Variants in ERGIC2 observed in about 807,000 individuals in gnomAD.
ERGIC2 encodes the protein endoplasmic reticulum-Golgi intermediate compartment protein 2.
In ERGIC2, 31 loss-of-function variants were observed where a neutral mutation model predicts 52.5. That is an observed-to-expected ratio of 0.59 (90% confidence interval 0.44 to 0.80). ERGIC2 has a LOEUF of 0.80. Among genes scored for constraint, ERGIC2 ranks in the 30% least tolerant of loss-of-function variants. The pLI, the probability that ERGIC2 is intolerant of heterozygous loss-of-function variation, is 0.00. For missense variants in ERGIC2, 395 were observed against 455.2 expected, an observed-to-expected ratio of 0.87 and a Z score of 1.20; for synonymous variants, 129 against 140.6, an observed-to-expected ratio of 0.92 and a Z score of 0.58.
chr12:29,374,791 A>G (rs1592001098), intron 1 of ERGIC2, among the ~76,000 whole-genome samples: 1 of 152,148 alleles, frequency 6.6e-6, no homozygotes, highest in Admixed American at 6.5e-5. Context: ...CCTAGTCCCA[A>G]CTGCCACAAT....
chr12:29,341,029 T>C lies in ERGIC2; in HGVS notation c.*127A>G, dbSNP rs1363268654. On this transcript the variant is annotated 3_prime_UTR_variant, in exon 14 of 14. Coordinates refer to ENST00000360150, the MANE Select transcript of ERGIC2 (RefSeq NM_016570.3). ...GGGTTTTTTTATCCTTTTTTTTCTT[T>C]TTTAAAATAAGTATGTTTTCTGCTT... is the stretch of plus-strand genomic sequence containing the variant. 11 of 740,130 alleles carry C rather than the reference T, an allele frequency of 1.5e-5. No homozygotes were observed. The highest frequency in any genetic ancestry group is 2.0e-5 in the Non-Finnish European group (9 of 443,542). 45.8% of individuals were successfully genotyped at this position (740,130 alleles called of 1,614,324 possible).
In ERGIC2 at chr12:29,339,481, T is replaced by C. The variant is rs1392805663; in HGVS notation, c.*1675A>G. On this transcript the variant is annotated 3_prime_UTR_variant, in exon 14 of 14. Coordinates refer to ENST00000360150, the MANE Select transcript of ERGIC2 (RefSeq NM_016570.3). ...CCTGTGGATAGATGGTGTTAGTTTA[T>C]AGCCAAACTTTGTTGGAAATAATTT... 1 of 152,182 alleles carries C rather than the reference T, an allele frequency of 6.6e-6. No individual in the cohort carries two copies. The highest frequency in any genetic ancestry group is 1.5e-5 in the Non-Finnish European group (1 of 68,008). The allele number at this position is 152,182 out of a possible 1,614,324, so 9.4% of individuals were successfully genotyped here. A position where few individuals can be genotyped will look rare whatever the true frequency, so the allele number is the denominator to read the frequency against.
Position 29,339,075 on chromosome 12 carries a change from A to G in ERGIC2, c.*2081T>C, listed in dbSNP as rs573972591. 1 of 152,296 alleles carries G rather than the reference A, an allele frequency of 6.6e-6. No individual in the cohort carries two copies. The highest frequency in any genetic ancestry group is 1.5e-5 in the Non-Finnish European group (1 of 68,016). The allele number at this position is 152,296 out of a possible 1,614,324, so 9.4% of individuals were successfully genotyped here. A position where few individuals can be genotyped will look rare whatever the true frequency, so the allele number is the denominator to read the frequency against. ...GTCCAAAGGGCTGATCGGAATTTTA[A>G]TACTTCCATTGCCAAAAATCTGACT... On this transcript the variant is annotated 3_prime_UTR_variant, in exon 14 of 14. Transcript: ENST00000360150.
intron 10 of ERGIC2, 35 bp downstream of exon 10, chr12:29,349,044 C>A: frequency 8.7e-7 from 1 of 1,144,384 alleles, no homozygotes; most frequent in Non-Finnish European, 1.3e-6. Context: ...AAATTTTCTA[C>A]ATGTAAAATC....
At chr12:29,361,869 A>G (rs1026479356) in intron 5 of ERGIC2, among the ~76,000 whole-genome samples, 184 bp from the exon 6 acceptor site, 4 of 152,218 alleles carry the variant, frequency 2.6e-5, no homozygotes, top group Admixed American at 6.5e-5. Context: ...TTACTGAAAA[A>G]TAGCATAAAG....
intron 5 of ERGIC2, among the ~76,000 whole-genome samples, chr12:29,363,682 T>C (rs1337317750): frequency 3.3e-5 from 5 of 152,018 alleles, no homozygotes; most frequent in African/African-American, 1.2e-4. Flanking sequence ...CATATCACTA[T>C]TGCCTAAAAT....
At chr12:29,357,864 C>G (rs999191472) in intron 6 of ERGIC2, 140 bp from the exon 7 acceptor site, 1 of 656,368 alleles carries the variant, frequency 1.5e-6, no homozygotes, top group African/African-American at 1.9e-5. Context: ...AATAACATAC[C>G]AAGTTTTCTT....
At chr12:29,361,296 C>T (rs1940283687) in intron 6 of ERGIC2, among the ~76,000 whole-genome samples, 1 of 152,026 alleles carries the variant, frequency 6.6e-6, no homozygotes, top group Non-Finnish European at 1.5e-5. Flanking sequence ...ACATTCAAAG[C>T]CTTCCTGTGG....
intron 8 of ERGIC2, among the ~76,000 whole-genome samples, chr12:29,350,356 A>T (rs1028210287): frequency 6.6e-6 from 1 of 152,104 alleles, no homozygotes; most frequent in Non-Finnish European, 1.5e-5. Flanking sequence ...GAGAAAAAGC[A>T]AATTTTCACA....
chr12:29,381,025 CA>C (rs1223509929), intron 1 of ERGIC2, 89 bp downstream of exon 1: 5 of 152,418 alleles, frequency 3.3e-5, no homozygotes, highest in African/African-American at 1.2e-4. Flanking sequence ...AAGCCCATGA[CA>C]GGCTCCCAGT....
intron 8 of ERGIC2, 143 bp from the exon 9 acceptor site, chr12:29,350,211 G>A: frequency 1.8e-6 from 1 of 562,940 alleles, no homozygotes; most frequent in Non-Finnish European, 3.2e-6. Flanking sequence ...TGACTGAGCA[G>A]ACAAGTCTAC....
At chr12:29,365,621 A>C (rs1591996869) in intron 5 of ERGIC2, among the ~76,000 whole-genome samples, 2 of 151,986 alleles carry the variant, frequency 1.3e-5, no homozygotes, top group South Asian at 4.1e-4. Context: ...AGTTGAAAAA[A>C]CAGTCCCTCT....
At chr12:29,360,856 G>T (rs1251713642) in intron 6 of ERGIC2, among the ~76,000 whole-genome samples, 12 of 151,470 alleles carry the variant, frequency 7.9e-5, no homozygotes, top group Middle Eastern at 3.2e-3. Context: ...ACTGTAAGAA[G>T]AATTATCTTG....
intron 1 of ERGIC2, among the ~76,000 whole-genome samples, chr12:29,378,376 C>A (rs1940542757): frequency 6.6e-6 from 1 of 152,086 alleles, no homozygotes; most frequent in South Asian, 2.1e-4. Flanking sequence ...GAATAAATTT[C>A]TTTTGTTTTA....
rs902939391 is a variant in ERGIC2, at chr12:29,338,193, T to C, written c.*2963A>G. 1 of 146,212 alleles carries C rather than the reference T, an allele frequency of 6.8e-6. No homozygotes were observed. Among genetic ancestry groups the C allele is most frequent in the Non-Finnish European group, 1.5e-5 (1 of 66,982 alleles). The allele number at this position is 146,212 out of a possible 1,614,324, so 9.1% of individuals were successfully genotyped here. ...AGTTTCAAAAAAAAAAAAAAAAAAA[T>C]TAGAACTTAGTCATTCCTTCATGAA... On this transcript the variant is annotated 3_prime_UTR_variant, in exon 14 of 14. Transcript: ENST00000360150.
rs768360841 is a variant in ERGIC2, at chr12:29,365,090, C to G, written c.333+1787G>C. 1.4e-4 allele frequency among the ~76,000 whole-genome samples: 22 copies of G among 152,134 alleles called. No individual in the cohort carries two copies. In the Middle Eastern group the frequency reaches 0.017, roughly 118 times the overall value. On this transcript the variant is annotated intron_variant, in intron 5 of 13. Coordinates refer to ENST00000360150, the MANE Select transcript of ERGIC2 (RefSeq NM_016570.3). ...GAACGTAGAGTATTATTTAACCCAG[C>G]AATCCCATTACTGGGTATATACTCA...
At chr12:29,342,474 T>C (rs1949846661) in intron 12 of ERGIC2, among the ~76,000 whole-genome samples, 1 of 152,216 alleles carries the variant, frequency 6.6e-6, no homozygotes, top group Non-Finnish European at 1.5e-5. Flanking sequence ...TATAATAAAC[T>C]ACCCAGCTCC....
At position 29,340,525 on chromosome 12, in the gene ERGIC2, C is replaced by T; in HGVS notation, c.*631G>A. 5.5e-6 allele frequency: 1 copy of T among 183,094 alleles called. No homozygotes were observed. The highest frequency in any genetic ancestry group is 2.4e-5 in the African/African-American group (1 of 41,782). The allele number at this position is 183,094 out of a possible 1,614,324, so 11.3% of individuals were successfully genotyped here. The stretch of plus-strand genomic sequence containing the variant: ...CCTTAGTCTTCTAAGACTCTATCTT[C>T]AACAGTTAGATAAGTCAATAACCAG... On this transcript the variant is annotated 3_prime_UTR_variant, in exon 14 of 14. Transcript: ENST00000360150.
chr12:29,338,987 A>G lies in ERGIC2; in HGVS notation c.*2169T>C, dbSNP rs1293163656. 5 of 152,300 alleles carry G rather than the reference A, an allele frequency of 3.3e-5. No homozygotes were observed. The East Asian group carries it at 5.8e-4, about 18-fold the overall frequency. 9.4% of individuals were successfully genotyped at this position (152,300 alleles called of 1,614,324 possible). On this transcript the variant is annotated 3_prime_UTR_variant, in exon 14 of 14. Coordinates refer to ENST00000360150, the MANE Select transcript of ERGIC2 (RefSeq NM_016570.3). ...GTGAGTAAAGTGCTCTCTGCAATAG[A>G]AAAGAATCACTTGGTGAGGCCAAAA... is the stretch of plus-strand genomic sequence containing the variant.
Sources: gnomAD v4.1 joint callset for allele counts (sites outside exome capture counted in the v4.1 genomes callset) on GRCh38, gnomAD v4.1.1 for gene constraint, MANE v1.5 for transcripts, NCBI Gene and HGNC (gene_info 2026-07-23, HGNC 2026-07-21) for gene names.